AGO4: variants seen among roughly 807,000 people sequenced by gnomAD.
AGO4 encodes argonaute RISC component 4.
In AGO4, 33 loss-of-function variants were observed where a neutral mutation model predicts 104.7. That is an observed-to-expected ratio of 0.32 (90% confidence interval 0.24 to 0.42). The LOEUF (loss-of-function observed/expected upper bound fraction) is 0.42. Ranked by LOEUF, AGO4 falls within the 10% of genes least tolerant of loss-of-function variation. AGO4 has a pLI of 1.00. For missense variants in AGO4, 711 were observed against 1,083.4 expected (o/e 0.66, Z 4.83); for synonymous variants, 331 against 364.7 (o/e 0.91, Z 1.05).
intron 9 of AGO4, 43 bp from the exon 10 acceptor site, chr1:35,832,014 T>A (rs1644197505): frequency 6.2e-7 from 1 of 1,605,486 alleles, no homozygotes; most frequent in African/African-American, 1.3e-5. Context: ...TGGGACACAG[T>A]TACTCTCTGG....
At chr1:35,819,872 A>G (rs183352980) in intron 2 of AGO4, among the ~76,000 whole-genome samples, 4 of 152,160 alleles carry the variant, frequency 2.6e-5, no homozygotes, top group African/African-American at 9.6e-5. Flanking sequence ...GCTGGAGACA[A>G]ACATTTGAGA....
intron 2 of AGO4, among the ~76,000 whole-genome samples, chr1:35,818,529 C>T (rs1310570578): frequency 6.6e-6 from 1 of 151,924 alleles, no homozygotes; most frequent in Non-Finnish European, 1.5e-5. Flanking sequence ...GAGGCTGAGG[C>T]AGGAGAATCA....
Position 35,855,599 on chromosome 1 carries a change from C to A in AGO4, c.*1994C>A, listed in dbSNP as rs944227254. ...TGAAAGCAAGTTCTGTAAAATGAAG[C>A]ACAACATAGCCAGGAGTGAAGAGAT... On this transcript the variant is annotated 3_prime_UTR_variant, in exon 18 of 18. Transcript: ENST00000373210. 1 of 151,268 alleles carries A rather than the reference C, an allele frequency of 6.6e-6. No individual in the cohort carries two copies. Among genetic ancestry groups the A allele is most frequent in the South Asian group, 2.1e-4 (1 of 4,780 alleles). The allele number at this position is 151,268 out of a possible 1,614,324, so 9.4% of individuals were successfully genotyped here.
At position 35,857,816 on chromosome 1, in the gene AGO4, A is replaced by G. The variant is rs1196745881; in HGVS notation, c.*4211A>G. On this transcript the variant is annotated 3_prime_UTR_variant, in exon 18 of 18. Coordinates refer to ENST00000373210, the MANE Select transcript of AGO4 (RefSeq NM_017629.4). ...GTGTTTTTAACTCTTGGGTCTCCCT[A>G]TTTTTAAAAATTGCTATTTGGTATA... 1.3e-5 allele frequency: 2 copies of G among 152,218 alleles called. No individual in the cohort carries two copies. The highest frequency in any genetic ancestry group is 4.8e-5 in the African/African-American group (2 of 41,450). The allele number at this position is 152,218 out of a possible 1,614,324, so 9.4% of individuals were successfully genotyped here.
rs796856623 is a variant in AGO4 at position 35,837,385 on chromosome 1, GTTT to G, written c.1724+1401_1724+1403del. Reference sequence around the variant, plus strand: ...AGGCGTGAGCCACCGCGCCTGGCCTGTTTTTTTTTTTGGGACAGGGTCTCACTC... The same window carrying G: ...AGGCGTGAGCCACCGCGCCTGGCCTGTTTTTTTTGGGACAGGGTCTCACTC... On this transcript the variant is annotated intron_variant, in intron 13 of 17. Coordinates refer to ENST00000373210, the MANE Select transcript of AGO4 (RefSeq NM_017629.4). Among the ~76,000 whole-genome samples the G allele has an allele frequency of 2.1e-5, 3 of 141,314 alleles. No individual in the cohort carries two copies. In the South Asian group the frequency reaches 6.8e-4, roughly 32 times the overall value. The allele number at this position is 141,314 out of a possible 152,430, so 92.7% of individuals were successfully genotyped here. A position where few individuals can be genotyped will look rare whatever the true frequency, so the allele number is the denominator to read the frequency against.
At chr1:35,825,268 C>T in intron 3 of AGO4, 45 bp from the exon 4 acceptor site, 4 of 1,583,812 alleles carry the variant, frequency 2.5e-6, no homozygotes, top group Non-Finnish European at 3.5e-6. Context: ...TTTCCCACAG[C>T]CATTGTAAAC....
intron 12 of AGO4, among the ~76,000 whole-genome samples, chr1:35,834,377 G>T (rs373976843): frequency 2.0e-5 from 3 of 152,198 alleles, no homozygotes; most frequent in African/African-American, 7.2e-5. Flanking sequence ...TCCATTTGGG[G>T]ACCCAGCTTG....
In AGO4 at chr1:35,808,421, A is replaced by C; in HGVS notation, c.5A>C (p.Glu2Ala). 1 of 1,153,266 alleles carries C rather than the reference A, an allele frequency of 8.7e-7. No individual in the cohort carries two copies. The highest frequency in any genetic ancestry group is 4.0e-5 in the East Asian group (1 of 25,082). The allele number at this position is 1,153,266 out of a possible 1,614,324, so 71.4% of individuals were successfully genotyped here. The part of the protein sequence containing the change: M[E>A]ALGPGPPASL... ...GAGGCGGCCCCCGCCGCCGCCATGG[A>C]GGCGCTGGGACCCGGTGAGGAGCGA... The change falls in exon 1 of 18, where the codon GAG becomes GCG. Residue 2 changes from glutamate to alanine, a missense_variant. Glu to Ala is a moderately radical substitution (Grantham distance 107). Transcript: ENST00000373210. This position sits in a 1 kb window ranked among gnomAD's most constrained non-coding sequence, Gnocchi z 5.2.
At chr1:35,815,429 G>A (rs1172268726) in intron 1 of AGO4, among the ~76,000 whole-genome samples, 1 of 152,078 alleles carries the variant, frequency 6.6e-6, no homozygotes, top group Non-Finnish European at 1.5e-5. Context: ...TTTTTCTGCT[G>A]AGTATTAATA....
At chr1:35,811,302 GTC>G (rs1182262012) in intron 1 of AGO4, among the ~76,000 whole-genome samples, 3 of 151,554 alleles carry the variant, frequency 2.0e-5, no homozygotes, top group Non-Finnish European at 4.4e-5. Context: ...AGTGAAACCC[GTC>G]TCTACTAAAA....
intron 17 of AGO4, among the ~76,000 whole-genome samples, chr1:35,853,068 G>T (rs1260727951): frequency 2.6e-5 from 4 of 152,058 alleles, no homozygotes; most frequent in Non-Finnish European, 5.9e-5. Context: ...GGCTAACATG[G>T]TGAAACCCCG....
At chr1:35,811,672 C>T (rs1396892713) in intron 1 of AGO4, among the ~76,000 whole-genome samples, 1 of 151,904 alleles carries the variant, frequency 6.6e-6, no homozygotes, top group Non-Finnish European at 1.5e-5. Context: ...GGCGCCATCT[C>T]GGCTCACTGC....
At chr1:35,844,074 T>G (rs1046253901) in intron 15 of AGO4, among the ~76,000 whole-genome samples, 1 of 152,170 alleles carries the variant, frequency 6.6e-6, no homozygotes, top group South Asian at 2.1e-4. Flanking sequence ...CTCATCTCAC[T>G]CTGTCACCCA....
chr1:35,847,125 G>T (rs1012595263), intron 15 of AGO4, among the ~76,000 whole-genome samples: 1 of 151,560 alleles, frequency 6.6e-6, no homozygotes, highest in Non-Finnish European at 1.5e-5. Flanking sequence ...ATTGGAAGAA[G>T]AATTTTCTTG....
chr1:35,840,498 C>T (rs956972874), intron 13 of AGO4, among the ~76,000 whole-genome samples: 1 of 151,560 alleles, frequency 6.6e-6, no homozygotes, highest in Non-Finnish European at 1.5e-5. Flanking sequence ...AGGGTTTCAC[C>T]GTGTTGGCCA....
chr1:35,838,139 G>A lies in AGO4; in HGVS notation c.1724+2146G>A, dbSNP rs559030434. Among the ~76,000 whole-genome samples the A allele has an allele frequency of 4.0e-5, 6 of 151,862 alleles. No individual in the cohort carries two copies. In the South Asian group the frequency reaches 1.2e-3, roughly 32 times the overall value. On this transcript the variant is annotated intron_variant, in intron 13 of 17. Transcript: ENST00000373210. ...GCAATCTCGGCTCACTGCAACCTCC[G>A]CCTCCTGAGTTCAAGCGATTCTCCT...
In AGO4 at chr1:35,832,513, A is replaced by C. The variant is rs760680028; in HGVS notation, c.1322A>C (p.Lys441Thr). The change falls in exon 11 of 18, where the codon AAA (lysine) becomes ACA (threonine). Residue 441 changes from lysine (K) to threonine (T), a missense_variant. By Grantham distance (78) the Lys-to-Thr change is moderately conservative (BLOSUM62 -1). This residue lies in a region of AGO4 where 401 missense variants were observed against 665.5 expected (regional missense o/e 0.60). Transcript: ENST00000373210. Reference protein sequence around the residue: ...GKQFYAGIEIKVWAVACFAPQ... With the variant: ...GKQFYAGIEITVWAVACFAPQ... Reference sequence around the variant, plus strand: ...CAGTTTTATGCTGGCATTGAAATTAAAGTTTGGGCAGTTGCTTGTTTTGCA... The same window carrying C: ...CAGTTTTATGCTGGCATTGAAATTACAGTTTGGGCAGTTGCTTGTTTTGCA... 1.9e-6 allele frequency: 3 copies of C among 1,613,690 alleles called. No homozygotes were observed. The Admixed American group carries it at 5.0e-5, about 27-fold the overall frequency.
intron 8 of AGO4, 86 bp downstream of exon 8, chr1:35,831,660 T>G: frequency 6.5e-7 from 1 of 1,538,756 alleles, no homozygotes; most frequent in Non-Finnish European, 8.8e-7. Flanking sequence ...TGGTGAAATT[T>G]AGTGTTAATT....
At chr1:35,831,732 G>A in intron 8 of AGO4, 80 bp from the exon 9 acceptor site, 1 of 1,564,924 alleles carries the variant, frequency 6.4e-7, no homozygotes, top group Admixed American at 2.0e-5. Flanking sequence ...TCTGGAAATA[G>A]AGGATATAAG....
Sources: allele counts gnomAD v4.1 joint callset (sites outside exome capture counted in the v4.1 genomes callset), GRCh38; gene constraint gnomAD v4.1.1; regional missense constraint gnomAD v4.1.1; non-coding constraint Gnocchi (gnomAD v3.1); transcripts MANE v1.5; gene names NCBI Gene and HGNC (gene_info 2026-07-23, HGNC 2026-07-21).